The following STXBP5L variants were observed in gnomAD, a reference collection of about 807,000 sequenced individuals.
STXBP5L encodes the protein syntaxin binding protein 5L.
In STXBP5L, 65 loss-of-function variants were observed where a neutral mutation model predicts 144.5. The observed-to-expected ratio is 0.45, with a 90% CI of 0.37 to 0.55. STXBP5L has a LOEUF of 0.55. Among genes scored for constraint, STXBP5L ranks in the 20% least tolerant of loss-of-function variants. The probability of loss-of-function intolerance (pLI) is 0.00; values close to 1 mark genes in which losing one functional copy is unlikely to be tolerated. For missense variants in STXBP5L, 1,298 were observed against 1,405.5 expected (o/e 0.92, Z 1.22); for synonymous variants, 505 against 469.6 (o/e 1.08, Z -0.97).
chr3:121,096,458 C>G (rs1236677826), intron 5 of STXBP5L, among the ~76,000 whole-genome samples: 2 of 152,158 alleles, frequency 1.3e-5, no homozygotes, highest in Non-Finnish European at 2.9e-5. Context: ...GAATTTTCAG[C>G]CACTTTGCAC....
intron 9 of STXBP5L, among the ~76,000 whole-genome samples, chr3:121,193,730 A>G (rs910931385): frequency 3.3e-5 from 5 of 152,142 alleles, no homozygotes; most frequent in Non-Finnish European, 7.3e-5. Flanking sequence ...AGGACAGAAA[A>G]CCAAACACCG....
At chr3:121,088,084 G>A (rs2042588394) in intron 5 of STXBP5L, among the ~76,000 whole-genome samples, 1 of 151,836 alleles carries the variant, frequency 6.6e-6, no homozygotes. Flanking sequence ...AGCCAAAATT[G>A]ACAAATGGGA....
chr3:121,006,528 T>C (rs898888765), intron 3 of STXBP5L, among the ~76,000 whole-genome samples: 1 of 152,226 alleles, frequency 6.6e-6, no homozygotes, highest in Non-Finnish European at 1.5e-5. Context: ...TGTCTTTTAA[T>C]TGGGGCATTT....
At chr3:121,342,703 A>T (rs1172425511) in intron 20 of STXBP5L, among the ~76,000 whole-genome samples, 3 of 151,152 alleles carry the variant, frequency 2.0e-5, no homozygotes, top group East Asian at 3.9e-4. Flanking sequence ...TGCATAGTAT[A>T]CCATGTTGTA....
intron 3 of STXBP5L, among the ~76,000 whole-genome samples, chr3:120,974,463 T>A (rs1028098645): frequency 3.4e-5 from 5 of 148,888 alleles, no homozygotes; most frequent in Non-Finnish European, 7.4e-5. Flanking sequence ...GATGAGTAGG[T>A]TGCAAAAATA....
intron 3 of STXBP5L, among the ~76,000 whole-genome samples, chr3:121,035,836 T>A (rs1484925641): frequency 6.6e-6 from 1 of 152,200 alleles, no homozygotes; most frequent in East Asian, 1.9e-4. Context: ...TTAGGGAAAG[T>A]TGCCATCTTA....
At chr3:121,130,980 A>C (rs905171951) in intron 7 of STXBP5L, among the ~76,000 whole-genome samples, 2 of 152,098 alleles carry the variant, frequency 1.3e-5, no homozygotes, top group Non-Finnish European at 2.9e-5. Flanking sequence ...TATGAAACAC[A>C]GAAAGCTAGA....
chr3:121,009,164 C>G (rs1008711713), intron 3 of STXBP5L, among the ~76,000 whole-genome samples: 15 of 151,906 alleles, frequency 9.9e-5, no homozygotes, highest in Non-Finnish European at 1.0e-4. Context: ...CAATGGCTGA[C>G]TTATCTTCAC....
At position 121,024,957 on chromosome 3, in the gene STXBP5L, T is replaced by C. The variant is rs967793413; in HGVS notation, c.288-16743T>C. Among the ~76,000 whole-genome samples the C allele has an allele frequency of 5.5e-4, 84 of 152,198 alleles. 1 individual carries two copies. The highest frequency in any genetic ancestry group is 3.3e-4 in the Admixed American group (5 of 15,274). ...AATGCTTAGAACAGTATCATTCTAA[T>C]ATTGTATATAACAGAATGTTAAAAT... On this transcript the variant is annotated intron_variant, in intron 3 of 26. Transcript: ENST00000471454.
chr3:120,991,730 A>C lies in STXBP5L; in HGVS notation c.287+36693A>C, dbSNP rs978534781. Among the ~76,000 whole-genome samples the C allele has an allele frequency of 2.0e-5, 3 of 148,088 alleles. No homozygotes were observed. In the South Asian group the frequency reaches 6.8e-4, roughly 34 times the overall value. ...ACAAGGACAAAAAACCAAACACCGC[A>C]TGTTCTCACTCATAGGTGGGAATTG... On this transcript the variant is annotated intron_variant, in intron 3 of 26. Coordinates refer to ENST00000471454, the MANE Select transcript of STXBP5L (RefSeq NM_001308330.2).
chr3:120,999,169 C>G (rs1943578278), intron 3 of STXBP5L, among the ~76,000 whole-genome samples: 1 of 152,102 alleles, frequency 6.6e-6, no homozygotes, highest in African/African-American at 2.4e-5. Context: ...TCTTGTGGCT[C>G]AGCCTCCCGA....
intron 20 of STXBP5L, among the ~76,000 whole-genome samples, chr3:121,340,258 C>A (rs1039584927): frequency 3.9e-5 from 6 of 152,040 alleles, no homozygotes; most frequent in Non-Finnish European, 8.8e-5. Context: ...CAAATACTTA[C>A]AACCAAATGA....
intron 20 of STXBP5L, chr3:121,357,063 C>T (rs984546993): frequency 2.4e-4 from 46 of 188,942 alleles, no homozygotes; most frequent in African/African-American, 1.0e-3. Context: ...CCAAATTGCC[C>T]TTGGCCTGAA....
chr3:120,972,914 T>A (rs1165061639), intron 3 of STXBP5L, among the ~76,000 whole-genome samples: 1 of 152,174 alleles, frequency 6.6e-6, no homozygotes, highest in East Asian at 1.9e-4. Context: ...AATTCTGGAA[T>A]AAAACTCACT....
intron 9 of STXBP5L, among the ~76,000 whole-genome samples, chr3:121,163,413 G>C (rs1185584073): frequency 2.6e-5 from 4 of 151,894 alleles, no homozygotes; most frequent in Admixed American, 1.3e-4. Context: ...CACATAGTAG[G>C]GTCTCTCGGT....
chr3:120,980,013 C>T (rs1355594637), intron 3 of STXBP5L, among the ~76,000 whole-genome samples: 1 of 151,944 alleles, frequency 6.6e-6, no homozygotes, highest in Non-Finnish European at 1.5e-5. Context: ...GTTCAATTTC[C>T]ACATATTTGT....
At chr3:121,096,080 C>G (rs1316841033) in intron 5 of STXBP5L, among the ~76,000 whole-genome samples, 1 of 151,654 alleles carries the variant, frequency 6.6e-6, no homozygotes, top group Non-Finnish European at 1.5e-5. Context: ...TGCTTCGGCT[C>G]TTGCTTGGTG....
chr3:121,017,582 A>G (rs1945231466), intron 3 of STXBP5L, among the ~76,000 whole-genome samples: 1 of 152,270 alleles, frequency 6.6e-6, no homozygotes, highest in African/African-American at 2.4e-5. Context: ...AAGTGATTTC[A>G]GCAAAGTTGC....
At chr3:121,351,883 G>A (rs2045297308) in intron 20 of STXBP5L, among the ~76,000 whole-genome samples, 1 of 152,162 alleles carries the variant, frequency 6.6e-6, no homozygotes, top group Admixed American at 6.5e-5. Context: ...AAGGGATCCA[G>A]TTTCAGCTTT....
Sources: gnomAD v4.1 joint callset for allele counts (sites outside exome capture counted in the v4.1 genomes callset) on GRCh38, gnomAD v4.1.1 for gene constraint, MANE v1.5 for transcripts, NCBI Gene and HGNC (gene_info 2026-07-23, HGNC 2026-07-21) for gene names.